The following OPN1SW variants were observed in gnomAD, a reference collection of about 807,000 sequenced individuals.
OPN1SW encodes the protein short-wave-sensitive opsin 1.
A neutral mutation model predicts 31.9 loss-of-function variants in OPN1SW; 25 were observed. The observed-to-expected ratio is 0.78, with a 90% CI of 0.57 to 1.09. The LOEUF (loss-of-function observed/expected upper bound fraction) is 1.09. OPN1SW is among the 50% of genes least tolerant of loss of function. The probability of loss-of-function intolerance (pLI) is 0.00; values close to 1 mark genes in which losing one functional copy is unlikely to be tolerated. For missense variants in OPN1SW, 424 were observed against 448.0 expected (o/e 0.95, Z 0.48); for synonymous variants, 190 against 171.9 (o/e 1.11, Z -0.82).
intron 4 of OPN1SW, among the ~76,000 whole-genome samples, chr7:128,773,111 A>G (rs1250060539): frequency 2.6e-5 from 4 of 152,234 alleles, no homozygotes; most frequent in Non-Finnish European, 4.4e-5. Context: ...CAGATGGGAT[A>G]GGAAATCCCC....
In OPN1SW at chr7:128,775,378, A is replaced by G. The variant is rs60792859; in HGVS notation, c.343+61T>C. ...CATTTCCCCCAGACTCCTCTTTAGG[A>G]ACCCCCTCCAGTGGAGTAGCAACCT... On this transcript the variant is annotated intron_variant, in intron 1 of 4. Coordinates refer to ENST00000249389, the MANE Select transcript of OPN1SW (RefSeq NM_001385125.1). The G allele has an allele frequency of 2.9e-3, 4,364 of 1,510,474 alleles. 54 individuals are homozygous for G. The African/African-American group carries it at 0.032, about 11-fold the overall frequency. 93.6% of individuals were successfully genotyped at this position (1,510,474 alleles called of 1,614,324 possible). A position where few individuals can be genotyped will look rare whatever the true frequency, so the allele number is the denominator to read the frequency against.
At chr7:128,774,864 G>C in intron 2 of OPN1SW, 122 bp downstream of exon 2, 1 of 1,395,800 alleles carries the variant, frequency 7.2e-7, no homozygotes, top group South Asian at 1.2e-5. Context: ...CTGCCCTTTC[G>C]CCTCATATTG....
In OPN1SW at chr7:128,774,508, G is replaced by A; in HGVS notation, c.668C>T (p.Ala223Val). 6.2e-7 allele frequency: 1 copy of A among 1,613,854 alleles called. No individual in the cohort carries two copies. The highest frequency in any genetic ancestry group is 8.5e-7 in the Non-Finnish European group (1 of 1,180,012). Residue 223 changes from alanine (A) to valine (V), a missense_variant, in exon 3 of 5, where the codon GCC (alanine) becomes GTC (valine). By Grantham distance (64) the Ala-to-Val change is moderately conservative (BLOSUM62 0). Coordinates refer to ENST00000249389, the MANE Select transcript of OPN1SW (RefSeq NM_001385125.1). ...ICFSYTQLLR[A>V]LKAVAAQQQE... ...TCAAATGCCACTCACAGCTTTCAGG[G>A]CCCTCAGCAGCTGAGTGTAGGAGAA... is the stretch of plus-strand genomic sequence containing the variant.
intron 4 of OPN1SW, 22 bp downstream of exon 4, chr7:128,773,627 G>A (rs1302005371): frequency 1.2e-6 from 2 of 1,614,116 alleles, no homozygotes; most frequent in East Asian, 2.2e-5. Context: ...TGGACCATAG[G>A]AATGTGAATA....
intron 3 of OPN1SW, 22 bp from the exon 4 acceptor site, chr7:128,773,910 A>C (rs1363447439): frequency 6.2e-7 from 1 of 1,602,078 alleles, no homozygotes; most frequent in Admixed American, 1.7e-5. Context: ...CACGGAAAGC[A>C]TCACATCTCT....
chr7:128,773,467 T>C (rs1427422035), intron 4 of OPN1SW, among the ~76,000 whole-genome samples, 182 bp downstream of exon 4: 2 of 152,154 alleles, frequency 1.3e-5, no homozygotes, highest in Admixed American at 1.3e-4. Context: ...TATTTTCTCG[T>C]CTTGATAACC....
chr7:128,775,358 C>T (rs1308091172), intron 1 of OPN1SW, 81 bp downstream of exon 1: 14 of 1,432,864 alleles, frequency 9.8e-6, no homozygotes, highest in Non-Finnish European at 1.3e-5. Context: ...AGACTCATTT[C>T]CCCCAGACTC....
chr7:128,773,520 C>T (rs923820295), intron 4 of OPN1SW, 129 bp downstream of exon 4: 5 of 1,263,896 alleles, frequency 4.0e-6, no homozygotes, highest in East Asian at 2.3e-5. Context: ...CCAACCTACT[C>T]GGGGGTTTTG....
chr7:128,774,953 A>T, intron 2 of OPN1SW, 33 bp downstream of exon 2: 1 of 1,613,028 alleles, frequency 6.2e-7, no homozygotes, highest in Non-Finnish European at 8.5e-7. Flanking sequence ...CTGAGCTCCT[A>T]GTTAACTCAG....
intron 2 of OPN1SW, 98 bp from the exon 3 acceptor site, chr7:128,774,761 G>A: frequency 1.3e-6 from 2 of 1,534,792 alleles, no homozygotes; most frequent in Non-Finnish European, 8.9e-7. Flanking sequence ...CCCACGGAAT[G>A]CCCTAAGGCT....
chr7:128,772,711 G>GA, intron 4 of OPN1SW, 52 bp from the exon 5 acceptor site: 2 of 1,611,558 alleles, frequency 1.2e-6, no homozygotes, highest in Non-Finnish European at 1.7e-6. Context: ...GGAAGTATGG[G>GA]AAAAAAGACC....
In OPN1SW at chr7:128,775,512, G is replaced by A. The variant is rs146564351; in HGVS notation, c.270C>T (p.Val90=). 14 of 1,614,012 alleles carry A rather than the reference G, an allele frequency of 8.7e-6. No individual in the cohort carries two copies. In the East Asian group the frequency reaches 8.9e-5, roughly 10 times the overall value. ...LCIFSVFPVF[V]ASCNGYFVFG... The stretch of plus-strand genomic sequence containing the variant: ...AGACGAAGTATCCGTTACAGCTGGC[G>A]ACGAAGACAGGGAAGACAGAGAAGA... Residue 90 remains valine (V), a synonymous_variant, in exon 1 of 5, where the codon GTC becomes GTT. Coordinates refer to ENST00000249389, the MANE Select transcript of OPN1SW (RefSeq NM_001385125.1).
chr7:128,773,768 TGGCGAAGGCCGCGTAG>T lies in OPN1SW; in HGVS notation c.783_798del (p.Tyr262CysfsTer37). The T allele has an allele frequency of 6.2e-7, 1 of 1,614,174 alleles. No individual in the cohort carries two copies. On this transcript the variant is annotated frameshift_variant, in exon 4 of 5. Transcript: ENST00000249389. LOFTEE classifies it high-confidence loss of function. ...TGGTTACGGTTGTTGACCATGTACA[TGGCGAAGGCCGCGTAG>T]GGCACGTAGCAGACACAGAAGGATC...
rs965126698 is a variant in OPN1SW at position 128,773,882 on chromosome 7, C to A, written c.685G>T (p.Ala229Ser). 1.2e-6 allele frequency: 2 copies of A among 1,611,184 alleles called. No homozygotes were observed. The highest frequency in any genetic ancestry group is 1.3e-5 in the African/African-American group (1 of 74,882). ...QLLRALKAVA[A>S]QQQESATTQK... is the part of the protein sequence containing the mutation. ...GTCGTAGCTGACTCCTGCTGCTGAG[C>A]TGCAACCTGGGGTGGAGCACGGAAA... is the stretch of plus-strand genomic sequence containing the variant. Residue 229 changes from alanine (A) to serine (S), a missense_variant, in exon 4 of 5, where the codon GCT becomes TCT. Physicochemically the swap from Ala to Ser is moderately conservative, Grantham distance 99. Coordinates refer to ENST00000249389, the MANE Select transcript of OPN1SW (RefSeq NM_001385125.1).
rs1412602843 is a variant in OPN1SW at position 128,773,766 on chromosome 7, C to T, written c.801G>A (p.Met267Ile). 2.5e-6 allele frequency: 4 copies of T among 1,614,056 alleles called. No individual in the cohort carries two copies. In the African/African-American group the frequency reaches 4.0e-5, roughly 16 times the overall value. Residue 267 changes from methionine to isoleucine, a missense_variant, in exon 4 of 5, where the codon ATG (methionine) becomes ATA (isoleucine). Met to Ile is a conservative substitution (Grantham distance 10). Transcript: ENST00000249389. ...VCYVPYAAFA[M>I]YMVNNRNHGL... ...CATGGTTACGGTTGTTGACCATGTA[C>T]ATGGCGAAGGCCGCGTAGGGCACGT...
At chr7:128,774,895 T>C in intron 2 of OPN1SW, 91 bp downstream of exon 2, 2 of 1,546,172 alleles carry the variant, frequency 1.3e-6, no homozygotes, top group Non-Finnish European at 1.8e-6. Flanking sequence ...AAAGTAGAGG[T>C]CAAAGACTAA....
intron 4 of OPN1SW, among the ~76,000 whole-genome samples, 170 bp from the exon 5 acceptor site, chr7:128,772,829 A>G (rs755815438): frequency 2.0e-5 from 3 of 152,200 alleles, no homozygotes; most frequent in Admixed American, 1.3e-4. Flanking sequence ...ATTCCAGTCT[A>G]GAACTACTCC....
Position 128,775,460 on chromosome 7 carries a change from C to T in OPN1SW, c.322G>A (p.Gly108Ser). The T allele has an allele frequency of 6.2e-7, 1 of 1,613,640 alleles. No homozygotes were observed. The highest frequency in any genetic ancestry group is 8.5e-7 in the Non-Finnish European group (1 of 1,179,658). The stretch of plus-strand genomic sequence containing the variant: ...GTACCTGCTACAGTGCCCAGGAAGC[C>T]CTCCAAAGCACAAACATGGCGACCG... ...VFGRHVCALEGFLGTVAGLVT... is the reference protein window; with the variant it reads ...VFGRHVCALESFLGTVAGLVT... Residue 108 changes from glycine (G) to serine (S), a missense_variant, in exon 1 of 5, where the codon GGC (glycine) becomes AGC (serine). Gly to Ser is a moderately conservative substitution (Grantham distance 56). Coordinates refer to ENST00000249389, the MANE Select transcript of OPN1SW (RefSeq NM_001385125.1).
intron 2 of OPN1SW, 40 bp from the exon 3 acceptor site, chr7:128,774,703 A>C: frequency 6.2e-7 from 1 of 1,613,282 alleles, no homozygotes; most frequent in Non-Finnish European, 8.5e-7. Flanking sequence ...ACTCTCCACA[A>C]GAGTGCAGTG....
Sources: gnomAD v4.1 joint callset for allele counts (sites outside exome capture counted in the v4.1 genomes callset) on GRCh38, gnomAD v4.1.1 for gene constraint, MANE v1.5 for transcripts, NCBI Gene and HGNC (gene_info 2026-07-23, HGNC 2026-07-21) for gene names.